Variants in COL11A1 observed in about 807,000 individuals in gnomAD.
The protein encoded by COL11A1 is collagen alpha-1(XI) chain.
In COL11A1, 74 loss-of-function variants were observed where a neutral mutation model predicts 265.2. The ratio of observed to expected loss-of-function variants is 0.28; its 90% confidence interval spans 0.23 to 0.34. The LOEUF (loss-of-function observed/expected upper bound fraction) is 0.34. Among genes scored for constraint, COL11A1 ranks in the 10% least tolerant of loss-of-function variants. The pLI is 1.00. For synonymous variants in COL11A1, 816 were observed against 727.6 expected (o/e 1.12, Z -1.96); for missense variants, 2,165 against 2,263.6 (o/e 0.96, Z 0.88).
chr1:102,929,828 T>C (rs1194940857), intron 46 of COL11A1, among the ~76,000 whole-genome samples: 1 of 152,140 alleles, frequency 6.6e-6, no homozygotes, highest in African/African-American at 2.4e-5. Context: ...GTTGGATTCC[T>C]AGGTATTTTA....
intron 58 of COL11A1, 45 bp from the exon 59 acceptor site, chr1:102,889,607 C>A: frequency 7.4e-6 from 10 of 1,345,302 alleles, no homozygotes; most frequent in Non-Finnish European, 1.1e-5. Context: ...ACATTACTAT[C>A]TTCATAAAAT....
At chr1:102,935,233 G>A in intron 44 of COL11A1, 120 bp from the exon 45 acceptor site, 1 of 748,038 alleles carries the variant, frequency 1.3e-6, no homozygotes, top group Non-Finnish European at 2.3e-6. Context: ...AAAAAAAGAA[G>A]CATCACATAG....
rs373790561 is a variant in COL11A1, at chr1:103,082,811, A to T, written c.268T>A (p.Phe90Ile). The change falls in exon 2 of 67, where the codon TTT (phenylalanine) becomes ATT (isoleucine). Residue 90 changes from phenylalanine to isoleucine, a missense_variant. By Grantham distance (21) the Phe-to-Ile change is conservative. Coordinates refer to ENST00000370096, the MANE Select transcript of COL11A1 (RefSeq NM_001854.4). ...AQLSAPTKQL[F>I]PGGTFPEDFS... ...AATAATAAAGTGAATATACCTGGAAATAACTGTTTTGTTGGGGCACTGAGT... is the reference window on the plus strand; with the variant it reads ...AATAATAAAGTGAATATACCTGGAATTAACTGTTTTGTTGGGGCACTGAGT... 9.3e-6 allele frequency: 15 copies of T among 1,612,542 alleles called. No homozygotes were observed. The highest frequency in any genetic ancestry group is 1.2e-5 in the Non-Finnish European group (14 of 1,178,950).
chr1:102,885,319 C>T (rs1244475370), intron 63 of COL11A1, among the ~76,000 whole-genome samples: 1 of 151,898 alleles, frequency 6.6e-6, no homozygotes, highest in Non-Finnish European at 1.5e-5. Flanking sequence ...GGAAAGGAAT[C>T]GAATTATTTC....
chr1:102,888,441 A>T, intron 62 of COL11A1, 136 bp downstream of exon 62: 1 of 773,964 alleles, frequency 1.3e-6, no homozygotes, highest in Non-Finnish European at 2.2e-6. Flanking sequence ...TTGATTACTT[A>T]AATGATATAA....
At chr1:102,880,014 G>T in intron 65 of COL11A1, 98 bp from the exon 66 acceptor site, 1 of 820,080 alleles carries the variant, frequency 1.2e-6, no homozygotes. Context: ...GATGCCAGAA[G>T]CATGTAGATG....
At position 102,887,461 on chromosome 1, in the gene COL11A1, T is replaced by G. The variant is rs2100843813; in HGVS notation, c.4609-405A>C. 2.0e-5 allele frequency among the ~76,000 whole-genome samples: 3 copies of G among 152,318 alleles called. No homozygotes were observed. The Middle Eastern group carries it at 0.01, about 518-fold the overall frequency. On this transcript the variant is annotated intron_variant, in intron 62 of 66. Transcript: ENST00000370096. ...TTGCGCTATCTAATCAACTGTGTATTATATTTGATGATAATTTATATTATA... is the reference window on the plus strand; with the variant it reads ...TTGCGCTATCTAATCAACTGTGTATGATATTTGATGATAATTTATATTATA...
chr1:102,905,300 C>G (rs931155162), intron 54 of COL11A1, among the ~76,000 whole-genome samples: 7 of 149,806 alleles, frequency 4.7e-5, no homozygotes, highest in Admixed American at 2.7e-4. Context: ...GTGCAGCACA[C>G]CAACATGGCA....
chr1:102,905,260 T>G (rs537520444), intron 54 of COL11A1, among the ~76,000 whole-genome samples: 35 of 145,068 alleles, frequency 2.4e-4, no homozygotes, highest in African/African-American at 7.8e-4. Flanking sequence ...CATTAGGAGA[T>G]ATACCTAATG....
intron 47 of COL11A1, among the ~76,000 whole-genome samples, chr1:102,922,498 G>A (rs1443279123): frequency 6.6e-6 from 1 of 152,130 alleles, no homozygotes; most frequent in Non-Finnish European, 1.5e-5. Context: ...CTGGGTTCAC[G>A]CCATTCTTCT....
chr1:103,029,382 T>A (rs988067410), intron 5 of COL11A1, among the ~76,000 whole-genome samples: 6 of 151,952 alleles, frequency 3.9e-5, no homozygotes, highest in Admixed American at 3.3e-4. Context: ...TGAAGATGAA[T>A]TATTTATATG....
intron 38 of COL11A1, among the ~76,000 whole-genome samples, chr1:102,963,457 G>C (rs1374555683): frequency 2.0e-5 from 3 of 152,122 alleles, no homozygotes; most frequent in Non-Finnish European, 4.4e-5. Flanking sequence ...TGTGGTGCTT[G>C]AGTATAGCAG....
chr1:102,885,115 T>C (rs1650803082), intron 63 of COL11A1, among the ~76,000 whole-genome samples: 1 of 152,172 alleles, frequency 6.6e-6, no homozygotes, highest in Non-Finnish European at 1.5e-5. Context: ...TCCAATATTA[T>C]ATTGCATTTC....
At chr1:103,076,671 T>C (rs1671996334) in intron 3 of COL11A1, among the ~76,000 whole-genome samples, 1 of 152,164 alleles carries the variant, frequency 6.6e-6, no homozygotes, top group Non-Finnish European at 1.5e-5. Context: ...CCTCATGTTT[T>C]ACTTTGAGGA....
At chr1:102,908,562 G>A (rs575819773) in intron 54 of COL11A1, among the ~76,000 whole-genome samples, 1 of 152,164 alleles carries the variant, frequency 6.6e-6, no homozygotes, top group African/African-American at 2.4e-5. Flanking sequence ...TGAGCTAGAT[G>A]AGGTATATTT....
intron 15 of COL11A1, 86 bp downstream of exon 15, chr1:103,008,377 A>AT: frequency 8.8e-7 from 1 of 1,137,028 alleles, no homozygotes; most frequent in South Asian, 1.3e-5. Context: ...AACAAAAAAA[A>AT]AATTAACTAT....
At chr1:103,092,319 G>C (rs1374477660) in intron 1 of COL11A1, among the ~76,000 whole-genome samples, 1 of 151,992 alleles carries the variant, frequency 6.6e-6, no homozygotes, top group Admixed American at 6.6e-5. Flanking sequence ...GAACAAAGTA[G>C]GCTAAAAATA....
In COL11A1 at chr1:103,002,498, T is replaced by C. The variant is rs1434462263; in HGVS notation, c.2044-17A>G. The C allele has an allele frequency of 6.3e-7, 1 of 1,597,074 alleles. No individual in the cohort carries two copies. The highest frequency in any genetic ancestry group is 1.7e-5 in the Admixed American group (1 of 57,782). Reference sequence around the variant, plus strand: ...TTGGGGACCCTGCCAGAGGAAAATATAAAAAGTTTTTAATGGGCTATATTA... The same window carrying C: ...TTGGGGACCCTGCCAGAGGAAAATACAAAAAGTTTTTAATGGGCTATATTA... On this transcript the variant is annotated splice_polypyrimidine_tract_variant and intron_variant, in intron 22 of 66. Transcript: ENST00000370096.
At chr1:103,072,865 G>T (rs2102272359) in intron 4 of COL11A1, among the ~76,000 whole-genome samples, 1 of 151,758 alleles carries the variant, frequency 6.6e-6, no homozygotes, top group Non-Finnish European at 1.5e-5. Context: ...CCAATTCAAA[G>T]ATTCCTACTC....
Sources: gnomAD v4.1 joint callset for allele counts (sites outside exome capture counted in the v4.1 genomes callset) on GRCh38, gnomAD v4.1.1 for gene constraint, MANE v1.5 for transcripts, NCBI Gene and HGNC (gene_info 2026-07-23, HGNC 2026-07-21) for gene names.